The following ADAMTS3 variants were observed in gnomAD, a reference collection of about 807,000 sequenced individuals.
ADAMTS3 encodes the protein ADAM metallopeptidase with thrombospondin type 1 motif 3.
Under a neutral mutation model 129.0 loss-of-function variants are expected in ADAMTS3, and 73 were observed. That is an observed-to-expected ratio of 0.57 (90% CI 0.47 to 0.69). The LOEUF (loss-of-function observed/expected upper bound fraction) is 0.69, where lower values mean the gene tolerates loss of function less well. Ranked by LOEUF, ADAMTS3 falls within the 30% of genes least tolerant of loss-of-function variation. The pLI is 0.00. For synonymous variants in ADAMTS3, 477 were observed against 510.8 expected (o/e 0.93, Z 0.89); for missense variants, 1,457 against 1,514.5 (o/e 0.96, Z 0.63).
At chr4:72,414,654 A>T (rs1722260156) in intron 4 of ADAMTS3, among the ~76,000 whole-genome samples, 161 bp downstream of exon 4, 1 of 152,054 alleles carries the variant, frequency 6.6e-6, no homozygotes, top group Admixed American at 6.6e-5. Context: ...GCATTTTTTA[A>T]AAAGCAAGCC....
intron 4 of ADAMTS3, among the ~76,000 whole-genome samples, chr4:72,341,269 TACTC>T (rs1292422419): frequency 1.2e-4 from 19 of 152,160 alleles, no homozygotes; most frequent in African/African-American, 4.6e-4. Flanking sequence ...TGAATGTGAC[TACTC>T]AGGTTTAAAA....
intron 4 of ADAMTS3, among the ~76,000 whole-genome samples, chr4:72,380,598 G>A (rs1257772614): frequency 1.3e-5 from 2 of 152,028 alleles, no homozygotes; most frequent in African/African-American, 4.8e-5. Context: ...GGTAAGACAA[G>A]AACACCACTA....
chr4:72,505,034 C>T (rs544473242), intron 3 of ADAMTS3, among the ~76,000 whole-genome samples: 2 of 152,212 alleles, frequency 1.3e-5, no homozygotes, highest in South Asian at 2.1e-4. Flanking sequence ...TTGCAATCCA[C>T]GTTTTACATT....
chr4:72,448,090 C>A (rs1481674), intron 3 of ADAMTS3, among the ~76,000 whole-genome samples: 147,687 of 151,712 alleles, frequency 0.97, 72,030 homozygotes, highest in East Asian at 1. Flanking sequence ...ACGAAGCTAA[C>A]TCAGTTTAAG....
chr4:72,417,765 C>T (rs947376656), intron 3 of ADAMTS3, among the ~76,000 whole-genome samples: 11 of 151,288 alleles, frequency 7.3e-5, no homozygotes, highest in African/African-American at 2.4e-4. Flanking sequence ...CCTGTCTCTA[C>T]TAAAAATACA....
At chr4:72,340,340 T>C (rs1720104449) in intron 4 of ADAMTS3, among the ~76,000 whole-genome samples, 1 of 143,710 alleles carries the variant, frequency 7.0e-6, no homozygotes, top group African/African-American at 2.7e-5. Context: ...TGTGTGTGTA[T>C]GTGTATGTGT....
chr4:72,482,439 T>C (rs1431473768), intron 3 of ADAMTS3, among the ~76,000 whole-genome samples: 2 of 151,688 alleles, frequency 1.3e-5, no homozygotes, highest in Non-Finnish European at 2.9e-5. Flanking sequence ...TATAGTACCA[T>C]TTACATACTG....
chr4:72,312,590 C>G, intron 12 of ADAMTS3, 124 bp from the exon 13 acceptor site: 1 of 810,616 alleles, frequency 1.2e-6, no homozygotes, highest in South Asian at 2.1e-5. Flanking sequence ...TGAATGAACT[C>G]ATACTTCCTA....
chr4:72,489,009 A>G (rs1039545356), intron 3 of ADAMTS3, among the ~76,000 whole-genome samples: 1 of 151,906 alleles, frequency 6.6e-6, no homozygotes, highest in Non-Finnish European at 1.5e-5. Flanking sequence ...TATATTCCAC[A>G]TATAAGTGAG....
At chr4:72,462,341 G>T (rs1173448255) in intron 3 of ADAMTS3, among the ~76,000 whole-genome samples, 2 of 151,930 alleles carry the variant, frequency 1.3e-5, no homozygotes, top group African/African-American at 4.8e-5. Context: ...ATTTATACTT[G>T]CTTCGTTTTT....
chr4:72,313,800 A>C lies in ADAMTS3; in HGVS notation c.1622T>G (p.Met541Arg). Reference protein sequence around the residue: ...AGKWCYKGHCMWKNANQQKQD... With the variant: ...AGKWCYKGHCRWKNANQQKQD... ...TTTTTGCTGATTAGCATTCTTCCACATGCAATGACCCTTATAGCACCACTT... is the reference window on the plus strand; with the variant it reads ...TTTTTGCTGATTAGCATTCTTCCACCTGCAATGACCCTTATAGCACCACTT... The change falls in exon 12 of 22, where the codon ATG becomes AGG. Residue 541 changes from methionine (M) to arginine (R), a missense_variant. Met to Arg is a moderately conservative substitution (Grantham distance 91, BLOSUM62 -1). Coordinates refer to ENST00000286657, the MANE Select transcript of ADAMTS3 (RefSeq NM_014243.3). The C allele has an allele frequency of 6.2e-7, 1 of 1,613,768 alleles. No homozygotes were observed. Among genetic ancestry groups the C allele is most frequent in the Non-Finnish European group, 8.5e-7 (1 of 1,179,800 alleles).
chr4:72,329,181 T>C (rs1719775274), intron 5 of ADAMTS3, among the ~76,000 whole-genome samples: 2 of 151,912 alleles, frequency 1.3e-5, no homozygotes, highest in South Asian at 4.1e-4. Context: ...CCTATAAGCA[T>C]GAAAAAAAAT....
At chr4:72,528,404 A>G (rs1422346693) in intron 3 of ADAMTS3, among the ~76,000 whole-genome samples, 2 of 151,992 alleles carry the variant, frequency 1.3e-5, no homozygotes, top group Non-Finnish European at 2.9e-5. Context: ...AAATATTGGA[A>G]GCAATCAATA....
intron 2 of ADAMTS3, 151 bp downstream of exon 2, chr4:72,567,223 A>G (rs1173322577): frequency 7.9e-6 from 6 of 762,390 alleles, no homozygotes; most frequent in Non-Finnish European, 1.3e-5. Context: ...TCCTCCAGAA[A>G]GAGGAAGAGA....
At chr4:72,542,314 A>G (rs1002311133) in intron 3 of ADAMTS3, among the ~76,000 whole-genome samples, 3 of 151,794 alleles carry the variant, frequency 2.0e-5, no homozygotes, top group African/African-American at 7.3e-5. Context: ...ACAGGCGCCC[A>G]CCACCACGCC....
intron 3 of ADAMTS3, among the ~76,000 whole-genome samples, chr4:72,542,983 T>C (rs181586367): frequency 7.9e-5 from 12 of 152,350 alleles, no homozygotes; most frequent in South Asian, 6.2e-4. Flanking sequence ...GAAAGATATA[T>C]GTGTGAGAAA....
At chr4:72,372,112 A>G (rs956554359) in intron 4 of ADAMTS3, among the ~76,000 whole-genome samples, 1 of 152,176 alleles carries the variant, frequency 6.6e-6, no homozygotes, top group African/African-American at 2.4e-5. Flanking sequence ...GTAAGGCTGT[A>G]GCTAGAGAGA....
Position 72,374,714 on chromosome 4 carries a change from CAT to C in ADAMTS3, c.662-35023_662-35022del, listed in dbSNP as rs369321679. Among the ~76,000 whole-genome samples, 35 of 152,132 alleles carry C rather than the reference CAT, an allele frequency of 2.3e-4. No homozygotes were observed. In the South Asian group the frequency reaches 4.8e-3, roughly 21 times the overall value. On this transcript the variant is annotated intron_variant, in intron 4 of 21. Transcript: ENST00000286657. Reference sequence around the variant, plus strand: ...AATGAGGTGACTGATTATATTTTTGCATAGTTTCTTGGTTTAAAATACTGTGA... The same window carrying C: ...AATGAGGTGACTGATTATATTTTTGCAGTTTCTTGGTTTAAAATACTGTGA...
intron 7 of ADAMTS3, 97 bp downstream of exon 7, chr4:72,320,617 T>A: frequency 7.9e-7 from 1 of 1,262,078 alleles, no homozygotes; most frequent in Non-Finnish European, 1.1e-6. Context: ...TGGAAAGCAG[T>A]GGTGGAGAGC....
Sources: allele counts gnomAD v4.1 joint callset (sites outside exome capture counted in the v4.1 genomes callset), GRCh38; gene constraint gnomAD v4.1.1; transcripts MANE v1.5; gene names NCBI Gene and HGNC (gene_info 2026-07-23, HGNC 2026-07-21).